The following LAMC2 variants were observed in gnomAD, a reference collection of about 807,000 sequenced individuals.
LAMC2 encodes laminin subunit gamma 2.
A neutral mutation model predicts 140.2 loss-of-function variants in LAMC2; 97 were observed. That is an observed-to-expected ratio of 0.69 (90% CI 0.59 to 0.82). LAMC2 has a LOEUF of 0.82. LAMC2 is among the 40% of genes least tolerant of loss of function. LAMC2 has a pLI of 0.00. For missense variants in LAMC2, 1,402 were observed against 1,476.1 expected, an observed-to-expected ratio of 0.95 and a Z score of 0.82; for synonymous variants, 513 against 540.2, an observed-to-expected ratio of 0.95 and a Z score of 0.70.
At chr1:183,238,604 C>T (rs1660037741) in intron 19 of LAMC2, among the ~76,000 whole-genome samples, 183 bp downstream of exon 19, 1 of 152,200 alleles carries the variant, frequency 6.6e-6, no homozygotes, top group African/African-American at 2.4e-5. Context: ...AATAATAGAG[C>T]TAGATGTCAG....
chr1:183,250,003 C>T (rs1317747729), downstream of LAMC2: 2 of 152,074 alleles, frequency 1.3e-5, no homozygotes, highest in Non-Finnish European at 2.9e-5. Flanking sequence ...GGCTGTAGAC[C>T]AAATGGGGCT....
intron 1 of LAMC2, among the ~76,000 whole-genome samples, chr1:183,193,806 G>T (rs962750777): frequency 2.0e-5 from 3 of 150,140 alleles, no homozygotes; most frequent in Non-Finnish European, 4.4e-5. Flanking sequence ...CAACTGAGAT[G>T]CAAGATACTC....
At chr1:183,201,763 A>G (rs1343222451) in intron 1 of LAMC2, among the ~76,000 whole-genome samples, 1 of 152,198 alleles carries the variant, frequency 6.6e-6, no homozygotes, top group Non-Finnish European at 1.5e-5. Context: ...AAAATATTCC[A>G]TTGTATTTCA....
chr1:183,232,638 T>C lies in LAMC2; in HGVS notation c.2015-14T>C. On this transcript the variant is annotated splice_polypyrimidine_tract_variant and intron_variant, in intron 13 of 22. Coordinates refer to ENST00000264144, the MANE Select transcript of LAMC2 (RefSeq NM_005562.3). ...CAGAAAGTGCTCATGCTCCCTTTCC[T>C]TCTTTGCGTTCAGGTGCTAGCAGAT... 1 of 1,610,656 alleles carries C rather than the reference T, an allele frequency of 6.2e-7. No individual in the cohort carries two copies. The highest frequency in any genetic ancestry group is 8.5e-7 in the Non-Finnish European group (1 of 1,178,266).
chr1:183,235,484 C>T, intron 15 of LAMC2, 91 bp from the exon 16 acceptor site: 1 of 1,395,344 alleles, frequency 7.2e-7, no homozygotes, highest in Non-Finnish European at 1.0e-6. Context: ...ATCAGACCAG[C>T]TCCCGTACTC....
chr1:183,235,731 G>GT lies in LAMC2; in HGVS notation c.2456+2dup, dbSNP rs1553267357. 6.2e-7 allele frequency: 1 copy of GT among 1,614,106 alleles called. No individual in the cohort carries two copies. The highest frequency in any genetic ancestry group is 1.1e-5 in the South Asian group (1 of 91,076). ...CTGTGGTGCAAGGGCTTGTGGAAAA[G>GT]TACGTTCCTACGGGTCCTCCCGTGG... is the stretch of plus-strand genomic sequence containing the variant. On this transcript the variant is annotated splice_donor_variant, in intron 16 of 22. Transcript: ENST00000264144. LOFTEE classifies it high-confidence loss of function.
chr1:183,227,505 C>T lies in LAMC2; in HGVS notation c.1286-10C>T, dbSNP rs911722006. On this transcript the variant is annotated splice_polypyrimidine_tract_variant and intron_variant, in intron 9 of 22. Transcript: ENST00000264144. ...ACTTCTCTGCCCCTCCACTCTTCTC[C>T]TACCCCCAGGAGATTGTTATTCAGG... 1.9e-6 allele frequency: 3 copies of T among 1,612,710 alleles called. No homozygotes were observed. Among genetic ancestry groups the T allele is most frequent in the Non-Finnish European group, 2.5e-6 (3 of 1,178,740 alleles).
At chr1:183,239,754 G>T in intron 20 of LAMC2, 191 bp downstream of exon 20, 1 of 647,452 alleles carries the variant, frequency 1.5e-6, no homozygotes. Context: ...TTTGTCCTCC[G>T]GGTTTTCCCA....
intron 1 of LAMC2, among the ~76,000 whole-genome samples, chr1:183,187,542 G>GTGA (rs1658194004): frequency 6.7e-6 from 1 of 150,078 alleles, no homozygotes; most frequent in Non-Finnish European, 1.5e-5. Context: ...GTGAAATAAT[G>GTGA]AACATATTAA....
At chr1:183,233,950 G>A (rs1157857073) in intron 14 of LAMC2, among the ~76,000 whole-genome samples, 2 of 149,958 alleles carry the variant, frequency 1.3e-5, no homozygotes, top group East Asian at 2.0e-4. Flanking sequence ...ACAATGGTGC[G>A]ATCTCGGCTC....
intron 2 of LAMC2, among the ~76,000 whole-genome samples, chr1:183,211,684 AT>A (rs1283780027): frequency 1.3e-5 from 2 of 151,612 alleles, no homozygotes; most frequent in Non-Finnish European, 2.9e-5. Context: ...CTAATTTTTT[AT>A]TTTTTTGTGG....
intron 22 of LAMC2, among the ~76,000 whole-genome samples, chr1:183,242,596 G>C (rs1028657312): frequency 1.3e-5 from 2 of 152,170 alleles, no homozygotes; most frequent in African/African-American, 4.8e-5. Context: ...GCTGTTTCAG[G>C]CTGGAATGAT....
the LAMC2 span, chr1:183,250,283 C>T: frequency 4.6e-5 from 7 of 152,274 alleles, no homozygotes; most frequent in African/African-American, 1.2e-4. Context: ...CACAAAGCAA[C>T]TCTTTCTTGG....
downstream of LAMC2, chr1:183,248,722 A>G (rs1193811610): frequency 2.0e-5 from 3 of 152,266 alleles, no homozygotes; most frequent in African/African-American, 4.8e-5. Context: ...TGTATGAGCT[A>G]CAAAATCGGT....
At chr1:183,203,643 T>A (rs1658793363) in intron 1 of LAMC2, among the ~76,000 whole-genome samples, 1 of 152,152 alleles carries the variant, frequency 6.6e-6, no homozygotes, top group Non-Finnish European at 1.5e-5. Flanking sequence ...CATCATTTTC[T>A]TGGTGGGACC....
In LAMC2 at chr1:183,239,688, G is replaced by A. The variant is rs941300238; in HGVS notation, c.3069+125G>A. On this transcript the variant is annotated intron_variant, in intron 20 of 22. Transcript: ENST00000264144. ...CAGAGCCCTGTTGTGGCCCATGGGA[G>A]CCCCAGATTAAAAGACTATGGTAGC... 21 of 810,626 alleles carry A rather than the reference G, an allele frequency of 2.6e-5. No homozygotes were observed. In the African/African-American group the frequency reaches 3.5e-4, roughly 13 times the overall value. 50.2% of individuals were successfully genotyped at this position (810,626 alleles called of 1,614,324 possible). A position where few individuals can be genotyped will look rare whatever the true frequency, so the allele number is the denominator to read the frequency against.
chr1:183,189,448 C>T (rs1195448030), intron 1 of LAMC2, among the ~76,000 whole-genome samples: 2 of 152,170 alleles, frequency 1.3e-5, no homozygotes, highest in Non-Finnish European at 2.9e-5. Context: ...AGGAGGATCA[C>T]TTGAGCCTGT....
chr1:183,230,917 T>G lies in LAMC2; in HGVS notation c.1715-44T>G, dbSNP rs1659778763. On this transcript the variant is annotated intron_variant, in intron 11 of 22. Transcript: ENST00000264144. ...GTATCTTTGCTCTACCTCCACTTTC[T>G]AGACTAGTTTGATGTGAATGCTCCA... The G allele has an allele frequency of 1.9e-6, 3 of 1,612,676 alleles. No homozygotes were observed. In the East Asian group the frequency reaches 6.7e-5, roughly 36 times the overall value.
intron 2 of LAMC2, among the ~76,000 whole-genome samples, chr1:183,213,810 A>G (rs565583604): frequency 6.6e-6 from 1 of 151,272 alleles, no homozygotes; most frequent in Non-Finnish European, 1.5e-5. Flanking sequence ...TCATGCCTGT[A>G]ATCCCAGCAC....
Sources: gnomAD v4.1 joint callset for allele counts (sites outside exome capture counted in the v4.1 genomes callset) on GRCh38, gnomAD v4.1.1 for gene constraint, MANE v1.5 for transcripts, NCBI Gene and HGNC (gene_info 2026-07-23, HGNC 2026-07-21) for gene names.